RYR3: variants seen among roughly 807,000 people sequenced by gnomAD.
The protein encoded by RYR3 is brain ryanodine receptor-calcium release channel.
Under a neutral mutation model 584.3 loss-of-function variants are expected in RYR3, and 207 were observed. The observed-to-expected ratio is 0.35, with a 90% CI of 0.32 to 0.40. The LOEUF is 0.40. Ranked by LOEUF, RYR3 falls within the 10% of genes least tolerant of loss-of-function variation. The probability of loss-of-function intolerance (pLI) is 1.00; values close to 1 mark genes in which losing one functional copy is unlikely to be tolerated. For missense variants in RYR3, 5,616 were observed against 6,089.2 expected (o/e 0.92, Z 2.59); for synonymous variants, 2,416 against 2,248.5 (o/e 1.07, Z -2.11).
At chr15:33,389,227 TA>T (rs541176427) in intron 1 of RYR3, among the ~76,000 whole-genome samples, 67 of 151,086 alleles carry the variant, frequency 4.4e-4, no homozygotes, top group Admixed American at 1.4e-3. Flanking sequence ...TAAAGTATAA[TA>T]AAAAAAAATT....
At chr15:33,626,545 G>A (rs947647961) in intron 20 of RYR3, among the ~76,000 whole-genome samples, 1 of 152,184 alleles carries the variant, frequency 6.6e-6, no homozygotes, top group Non-Finnish European at 1.5e-5. Flanking sequence ...ACAAGGAGCC[G>A]AATGTTAATC....
intron 3 of RYR3, among the ~76,000 whole-genome samples, chr15:33,520,225 T>C (rs748493376): frequency 5.3e-5 from 8 of 152,208 alleles, no homozygotes; most frequent in Non-Finnish European, 7.3e-5. Flanking sequence ...TTACTCCTAT[T>C]TTGTTATCTA....
chr15:33,859,399 T>A (rs990111874), intron 99 of RYR3, among the ~76,000 whole-genome samples, 176 bp from the exon 100 acceptor site: 2 of 152,198 alleles, frequency 1.3e-5, no homozygotes, highest in Non-Finnish European at 2.9e-5. Context: ...GATATCAAAC[T>A]GTCCAGAGGG....
chr15:33,749,589 G>T (rs2071080278), intron 55 of RYR3, among the ~76,000 whole-genome samples: 1 of 152,114 alleles, frequency 6.6e-6, no homozygotes, highest in South Asian at 2.1e-4. Context: ...TAAGCTATAG[G>T]CTTTCGGGGG....
chr15:33,707,050 G>A lies in RYR3; in HGVS notation c.6615G>A (p.Val2205=). The part of the protein sequence containing the change: ...YLSFLRFAVF[V]NSESVEENAS... ...CCTTCCTGAGGTTTGCTGTCTTCGTGAACAGTGAGTCCCACATTTTTCCAT... is the reference window on the plus strand; with the variant it reads ...CCTTCCTGAGGTTTGCTGTCTTCGTAAACAGTGAGTCCCACATTTTTCCAT... The change falls in exon 43 of 104, where the codon GTG becomes GTA. Residue 2205 remains valine, a synonymous_variant. Transcript: ENST00000634891. 6.2e-7 allele frequency: 1 copy of A among 1,613,868 alleles called. No individual in the cohort carries two copies. The highest frequency in any genetic ancestry group is 1.1e-5 in the South Asian group (1 of 91,074).
intron 1 of RYR3, among the ~76,000 whole-genome samples, chr15:33,404,065 G>A (rs1404488219): frequency 1.3e-5 from 2 of 152,188 alleles, no homozygotes; most frequent in African/African-American, 2.4e-5. Context: ...TTTCAGAAGT[G>A]TTTTTGCCTC....
intron 1 of RYR3, among the ~76,000 whole-genome samples, chr15:33,326,100 G>A (rs760276285): frequency 3.3e-5 from 5 of 151,998 alleles, no homozygotes; most frequent in Admixed American, 2.6e-4. Context: ...AACCATGCCC[G>A]GCCTATTTCT....
At chr15:33,823,427 A>C (rs12900245) in intron 81 of RYR3, among the ~76,000 whole-genome samples, 11,458 of 152,276 alleles carry the variant, frequency 0.075, 535 homozygotes, top group Middle Eastern at 0.11. Flanking sequence ...ACCAGGAAAG[A>C]ATGGAAAAGG....
chr15:33,696,393 C>T lies in RYR3; in HGVS notation c.6036C>T (p.Ser2012=). The change falls in exon 39 of 104, where the codon AGC becomes AGT. Residue 2012 remains serine, a synonymous_variant. Transcript: ENST00000634891. The part of the protein sequence containing the change: ...KTYTISHTSV[S]DTINLLAALG... Reference sequence around the variant, plus strand: ...ACACCATCAGCCACACCTCTGTAAGCGACACCATCAACCTGCTGGCTGCCC... The same window carrying T: ...ACACCATCAGCCACACCTCTGTAAGTGACACCATCAACCTGCTGGCTGCCC... The T allele has an allele frequency of 6.8e-6, 11 of 1,613,918 alleles. No homozygotes were observed. Among genetic ancestry groups the T allele is most frequent in the South Asian group, 2.2e-5 (2 of 91,072 alleles).
At chr15:33,392,524 T>C (rs978325708) in intron 1 of RYR3, among the ~76,000 whole-genome samples, 2 of 151,930 alleles carry the variant, frequency 1.3e-5, no homozygotes, top group Non-Finnish European at 2.9e-5. Flanking sequence ...GTGGAGAACA[T>C]GCCTCAGAGT....
chr15:33,830,716 T>C, intron 85 of RYR3: 2 of 347,390 alleles, frequency 5.8e-6, no homozygotes, highest in Non-Finnish European at 1.0e-5. Flanking sequence ...AATTATCCTA[T>C]TTCATAGTCT....
rs550742361 is a variant in RYR3 at position 33,695,927 on chromosome 15, G to A, written c.5861-291G>A. On this transcript the variant is annotated intron_variant, in intron 38 of 103. Coordinates refer to ENST00000634891, the MANE Select transcript of RYR3 (RefSeq NM_001036.6). The stretch of plus-strand genomic sequence containing the variant: ...CAGCCTCCCAAGCAGCTGACTACAG[G>A]CGTGTGCAACCACACCCAGCTTTTT... Among the ~76,000 whole-genome samples, 106 of 148,236 alleles carry A rather than the reference G, an allele frequency of 7.2e-4. 1 individual carries two copies. The highest frequency in any genetic ancestry group is 3.6e-3 in the Middle Eastern group (1 of 278).
rs1555401713 is a variant in RYR3 at position 33,669,857 on chromosome 15, G to GGGGGGGGGGGGGT, written c.5722+402_5722+403insGGGGGGGGGGGTG. On this transcript the variant is annotated intron_variant, in intron 37 of 103. Coordinates refer to ENST00000634891, the MANE Select transcript of RYR3 (RefSeq NM_001036.6). ...GTGTGTGTGTGTGGGGGGGGGGGGG[G>GGGGGGGGGGGGGT]GTGTGGGTGTGTGGGTGTGTGTGGT... Among the ~76,000 whole-genome samples the GGGGGGGGGGGGGT allele has an allele frequency of 1.0e-4, 6 of 60,250 alleles. 1 individual carries two copies. The highest frequency in any genetic ancestry group is 1.6e-4 in the Non-Finnish European group (5 of 32,220). 39.5% of individuals were successfully genotyped at this position (60,250 alleles called of 152,430 possible). A position where few individuals can be genotyped will look rare whatever the true frequency, so the allele number is the denominator to read the frequency against.
chr15:33,373,746 A>G (rs1472707961), intron 1 of RYR3, among the ~76,000 whole-genome samples: 1 of 152,230 alleles, frequency 6.6e-6, no homozygotes, highest in Non-Finnish European at 1.5e-5. Context: ...TGCTGCAGAC[A>G]TACAACAATT....
chr15:33,821,253 A>AT lies in RYR3; in HGVS notation c.10816-9dup, dbSNP rs35254800. On this transcript the variant is annotated splice_polypyrimidine_tract_variant and intron_variant, in intron 78 of 103. Transcript: ENST00000634891. ...GGGTAGGAACCAATCTTTCCCTGTG[A>AT]TTTTTTTTCCCCCCAGGAGAAAGAG... The AT allele has an allele frequency of 6.1e-5, 96 of 1,569,682 alleles. No homozygotes were observed. Among genetic ancestry groups the AT allele is most frequent in the South Asian group, 1.3e-4 (11 of 85,256 alleles).
intron 87 of RYR3, among the ~76,000 whole-genome samples, chr15:33,836,042 C>T (rs1385446581): frequency 6.6e-6 from 1 of 151,976 alleles, no homozygotes; most frequent in Non-Finnish European, 1.5e-5. Flanking sequence ...AGCTGTGATA[C>T]ACACCATAGG....
Position 33,696,449 on chromosome 15 carries a change from G to C in RYR3, c.6092G>C (p.Arg2031Thr). Reference sequence around the variant, plus strand: ...CAAATCCGCTCCCTCCTCAGTGTCAGGATGGGCAAGGAAGAGGAGTTGCTC... The same window carrying C: ...CAAATCCGCTCCCTCCTCAGTGTCACGATGGGCAAGGAAGAGGAGTTGCTC... ...LGQIRSLLSV[R>T]MGKEEELLMI... Residue 2031 changes from arginine (R) to threonine (T), a missense_variant, in exon 39 of 104, where the codon AGG becomes ACG. By Grantham distance (71) the Arg-to-Thr change is moderately conservative (BLOSUM62 -1). Transcript: ENST00000634891. 1 of 1,613,988 alleles carries C rather than the reference G, an allele frequency of 6.2e-7. No individual in the cohort carries two copies. Among genetic ancestry groups the C allele is most frequent in the South Asian group, 1.1e-5 (1 of 91,072 alleles).
chr15:33,628,901 G>C (rs1566819336), intron 21 of RYR3, among the ~76,000 whole-genome samples: 1 of 152,188 alleles, frequency 6.6e-6, no homozygotes, highest in Admixed American at 6.5e-5. Flanking sequence ...ATGGTTTTCA[G>C]ATGTGTCACT....
intron 2 of RYR3, among the ~76,000 whole-genome samples, chr15:33,489,701 A>G (rs749616029): frequency 6.6e-6 from 1 of 152,210 alleles, no homozygotes; most frequent in Non-Finnish European, 1.5e-5. Flanking sequence ...AATGATTTCT[A>G]TTCCTCTAGG....
Sources: gnomAD v4.1 joint callset for allele counts (sites outside exome capture counted in the v4.1 genomes callset) on GRCh38, gnomAD v4.1.1 for gene constraint, MANE v1.5 for transcripts, NCBI Gene and HGNC (gene_info 2026-07-23, HGNC 2026-07-21) for gene names.